The following NCAM1 variants were observed in gnomAD, a reference collection of about 807,000 sequenced individuals.
NCAM1 encodes antigen recognized by monoclonal antibody 5.1H11.
Under a neutral mutation model 109.8 loss-of-function variants are expected in NCAM1, and 14 were observed. That is an observed-to-expected ratio of 0.13 (90% CI 0.08 to 0.20). The LOEUF (loss-of-function observed/expected upper bound fraction) is 0.20, where lower values mean the gene tolerates loss of function less well. Ranked by LOEUF, NCAM1 falls within the 10% of genes least tolerant of loss-of-function variation. The pLI, the probability that NCAM1 is intolerant of heterozygous loss-of-function variation, is 1.00. For missense variants in NCAM1, 774 were observed against 1,109.9 expected (o/e 0.70, Z 4.30); for synonymous variants, 418 against 442.9 (o/e 0.94, Z 0.70).
At chr11:113,055,028 A>G (rs1435248298) in intron 1 of NCAM1, among the ~76,000 whole-genome samples, 1 of 152,226 alleles carries the variant, frequency 6.6e-6, no homozygotes, top group Admixed American at 6.5e-5. Flanking sequence ...TGCTGAAGAC[A>G]TGATACAGCC....
chr11:112,993,735 T>C (rs936313484), intron 1 of NCAM1, among the ~76,000 whole-genome samples: 11 of 152,264 alleles, frequency 7.2e-5, no homozygotes, highest in Non-Finnish European at 1.5e-4. Context: ...TTTTACATTA[T>C]GATGAACAAG....
At chr11:112,988,619 C>G (rs1951373634) in intron 1 of NCAM1, among the ~76,000 whole-genome samples, 1 of 152,088 alleles carries the variant, frequency 6.6e-6, no homozygotes, top group African/African-American at 2.4e-5. Flanking sequence ...ATATATTAAC[C>G]CATTCCCTTC....
rs115337131 is a variant in NCAM1 at position 113,134,213 on chromosome 11, C to T, written c.53-68166C>T. 7.6e-3 allele frequency among the ~76,000 whole-genome samples: 1,152 copies of T among 152,262 alleles called. 14 individuals are homozygous for T. The highest frequency in any genetic ancestry group is 0.026 in the African/African-American group (1,095 of 41,540). On this transcript the variant is annotated intron_variant, in intron 1 of 19. Coordinates refer to ENST00000316851, the MANE Select transcript of NCAM1 (RefSeq NM_181351.5). ...AAGAATTAAACTACTTTACATACTTCGCGTAGGTGGACTCACATAGTATTT... is the reference window on the plus strand; with the variant it reads ...AAGAATTAAACTACTTTACATACTTTGCGTAGGTGGACTCACATAGTATTT...
At chr11:113,074,547 A>G (rs1555085784) in intron 1 of NCAM1, among the ~76,000 whole-genome samples, 2 of 152,214 alleles carry the variant, frequency 1.3e-5, no homozygotes, top group African/African-American at 2.4e-5. Flanking sequence ...TTATGCTGCC[A>G]ATATGGTAAC....
intron 8 of NCAM1, among the ~76,000 whole-genome samples, chr11:113,220,965 C>T (rs1349770533): frequency 6.6e-6 from 1 of 152,114 alleles, no homozygotes; most frequent in Non-Finnish European, 1.5e-5. Context: ...CTAGTCATGT[C>T]ACCAAATACT....
intron 17 of NCAM1, 58 bp from the exon 18 acceptor site, chr11:113,270,130 G>C (rs868972799): frequency 2.5e-5 from 39 of 1,555,880 alleles, no homozygotes; most frequent in Non-Finnish European, 3.4e-5. Flanking sequence ...TTGCTGGCAG[G>C]GTCTGGAGGT....
At chr11:113,040,791 A>C (rs2135421053) in intron 1 of NCAM1, 1 of 152,316 alleles carries the variant, frequency 6.6e-6, no homozygotes, top group East Asian at 1.9e-4. Flanking sequence ...TTAGAAAATG[A>C]AAGTGTTTTT....
At chr11:113,271,654 T>C (rs997455631) in intron 18 of NCAM1, 106 bp from the exon 19 acceptor site, 1 of 723,890 alleles carries the variant, frequency 1.4e-6, no homozygotes, top group Non-Finnish European at 2.3e-6. Flanking sequence ...ATCTGTTGGC[T>C]CTGGATGCCC....
chr11:113,254,561 G>T (rs892737672), intron 15 of NCAM1, among the ~76,000 whole-genome samples: 1 of 152,108 alleles, frequency 6.6e-6, no homozygotes, highest in Non-Finnish European at 1.5e-5. Flanking sequence ...GTTCCTCCTC[G>T]TATCAAAGGA....
intron 15 of NCAM1, 32 bp from the exon 16 acceptor site, chr11:113,255,845 A>C (rs1945818207): frequency 6.2e-7 from 1 of 1,609,792 alleles, no homozygotes; most frequent in African/African-American, 1.3e-5. Flanking sequence ...TCTGTGGATG[A>C]GAATTTCATG....
intron 1 of NCAM1, among the ~76,000 whole-genome samples, chr11:113,113,286 T>C (rs1026190873): frequency 6.6e-6 from 1 of 151,948 alleles, no homozygotes; most frequent in African/African-American, 2.4e-5. Flanking sequence ...TTTTGGGGGG[T>C]GGTTGTGAGG....
Position 113,206,161 on chromosome 11 carries a change from C to T in NCAM1, c.609C>T (p.Asp203=). ...ILARGEINFK[D]IQVIVNVPPT... ...CACGGGGGGAGATCAACTTCAAGGA[C>T]ATTCAGGTCATTGTGAATGGTGAGG... Residue 203 remains aspartate, a synonymous_variant, in exon 5 of 20, where the codon GAC becomes GAT. Coordinates refer to ENST00000316851, the MANE Select transcript of NCAM1 (RefSeq NM_181351.5). 1 of 1,612,426 alleles carries T rather than the reference C, an allele frequency of 6.2e-7. No homozygotes were observed. The highest frequency in any genetic ancestry group is 1.7e-4 in the Middle Eastern group (1 of 6,052).
intron 1 of NCAM1, among the ~76,000 whole-genome samples, chr11:113,075,840 A>G (rs1938501432): frequency 6.6e-6 from 1 of 152,246 alleles, no homozygotes; most frequent in South Asian, 2.1e-4. Flanking sequence ...AGGAATCACT[A>G]ATGAAACAAT....
At chr11:113,080,581 G>T (rs1938763426) in intron 1 of NCAM1, among the ~76,000 whole-genome samples, 1 of 151,590 alleles carries the variant, frequency 6.6e-6, no homozygotes, top group African/African-American at 2.4e-5. Flanking sequence ...GCATCTAATT[G>T]GTGATCAAGG....
At chr11:113,272,175 A>T (rs1946297251) in intron 19 of NCAM1, among the ~76,000 whole-genome samples, 1 of 152,116 alleles carries the variant, frequency 6.6e-6, no homozygotes, top group African/African-American at 2.4e-5. Context: ...TAAGGTGGCA[A>T]AATCTCACTG....
intron 17 of NCAM1, among the ~76,000 whole-genome samples, chr11:113,265,470 GC>G (rs1194586677): frequency 1.3e-5 from 2 of 152,140 alleles, no homozygotes; most frequent in Non-Finnish European, 2.9e-5. Context: ...TGGGGATGGG[GC>G]CACACTCTGA....
At chr11:113,193,220 T>C (rs1943740912) in intron 1 of NCAM1, among the ~76,000 whole-genome samples, 2 of 152,208 alleles carry the variant, frequency 1.3e-5, no homozygotes, top group African/African-American at 2.4e-5. Flanking sequence ...AGCAGGCGTG[T>C]ATCATCAAGT....
rs570172505 is a variant in NCAM1 at position 113,243,947 on chromosome 11, C to T, written c.1826-2421C>T. On this transcript the variant is annotated intron_variant, in intron 14 of 19. Transcript: ENST00000316851. ...GGGTCTGCTTTCTTGGTGTTCCCTC[C>T]GTGTGTGTGCTGCGATGAATTTTAA... Among the ~76,000 whole-genome samples the T allele has an allele frequency of 3.9e-5, 6 of 152,120 alleles. No individual in the cohort carries two copies. In the East Asian group the frequency reaches 9.7e-4, roughly 25 times the overall value.
intron 1 of NCAM1, among the ~76,000 whole-genome samples, chr11:112,979,118 G>T (rs1044061812): frequency 6.6e-6 from 1 of 151,470 alleles, no homozygotes; most frequent in Non-Finnish European, 1.5e-5. Flanking sequence ...ATGTAGAGTG[G>T]TCCATAGACT....
Sources: allele counts gnomAD v4.1 joint callset (sites outside exome capture counted in the v4.1 genomes callset), GRCh38; gene constraint gnomAD v4.1.1; transcripts MANE v1.5; gene names NCBI Gene and HGNC (gene_info 2026-07-23, HGNC 2026-07-21).